The following CDR2 variants were observed in gnomAD, a reference collection of about 807,000 sequenced individuals.
The protein encoded by CDR2 is cerebellar degeneration related protein 2, also known as cerebellar degeneration-related protein 2.
In CDR2, 34 loss-of-function variants were observed where a neutral mutation model predicts 48.4. That is an observed-to-expected ratio of 0.70 (90% CI 0.53 to 0.94). CDR2 has a LOEUF of 0.94. Ranked by LOEUF, CDR2 falls within the 40% of genes least tolerant of loss-of-function variation. CDR2 has a pLI of 0.00. For missense variants in CDR2, 498 were observed against 549.5 expected (o/e 0.91, Z 0.94); for synonymous variants, 240 against 219.7 (o/e 1.09, Z -0.82).
At chr16:22,352,474 G>T (rs2048949124) in intron 2 of CDR2, among the ~76,000 whole-genome samples, 2 of 152,044 alleles carry the variant, frequency 1.3e-5, no homozygotes, top group South Asian at 2.1e-4. Context: ...AGTCAAAAGT[G>T]TTTTGGAAAA....
intron 2 of CDR2, among the ~76,000 whole-genome samples, chr16:22,360,642 T>C (rs1419954106): frequency 6.6e-6 from 1 of 152,070 alleles, no homozygotes; most frequent in African/African-American, 2.4e-5. Flanking sequence ...TCCCAGACCA[T>C]TCTTCTGGAC....
intron 1 of CDR2, among the ~76,000 whole-genome samples, chr16:22,367,498 T>C (rs1281213152): frequency 1.3e-5 from 2 of 152,166 alleles, no homozygotes; most frequent in Non-Finnish European, 2.9e-5. Flanking sequence ...TAGCCCATGG[T>C]AGGTAAAGTT....
intron 2 of CDR2, among the ~76,000 whole-genome samples, chr16:22,352,314 A>T (rs1463838403): frequency 6.6e-6 from 1 of 152,094 alleles, no homozygotes; most frequent in Non-Finnish European, 1.5e-5. Flanking sequence ...AGGCTAACAA[A>T]CAATGGGCTA....
chr16:22,368,435 C>A (rs1029971607), intron 1 of CDR2, among the ~76,000 whole-genome samples: 1 of 152,202 alleles, frequency 6.6e-6, no homozygotes, highest in Admixed American at 6.5e-5. Context: ...GTCTCGAAAT[C>A]CTGACCTCAA....
intron 2 of CDR2, among the ~76,000 whole-genome samples, chr16:22,362,712 G>T (rs537483514): frequency 6.6e-6 from 1 of 152,142 alleles, no homozygotes; most frequent in Non-Finnish European, 1.5e-5. Context: ...AACAAAGTAG[G>T]AAAGAGTTCC....
chr16:22,369,250 A>G (rs1175411857), intron 1 of CDR2, among the ~76,000 whole-genome samples: 4 of 151,144 alleles, frequency 2.6e-5, no homozygotes, highest in Non-Finnish European at 5.9e-5. Flanking sequence ...GTTCGAGACC[A>G]GCATGGGCAA....
chr16:22,369,243 C>T (rs913467924), intron 1 of CDR2, among the ~76,000 whole-genome samples: 4 of 147,536 alleles, frequency 2.7e-5, no homozygotes, highest in African/African-American at 5.1e-5. Context: ...GCCAAGAGTT[C>T]GAGACCAGCA....
At position 22,346,915 on chromosome 16, in the gene CDR2, G is replaced by A; in HGVS notation, c.*50C>T. On this transcript the variant is annotated 3_prime_UTR_variant, in exon 5 of 5. Transcript: ENST00000268383. ...TCTACAAACACTTGTCTGAATGGGA[G>A]AGAGAGGCGATAGGCAATAGGCAAA... The A allele has an allele frequency of 6.4e-7, 1 of 1,559,726 alleles. No individual in the cohort carries two copies. Among genetic ancestry groups the A allele is most frequent in the Non-Finnish European group, 8.7e-7 (1 of 1,144,092 alleles).
intron 1 of CDR2, 91 bp downstream of exon 1, chr16:22,374,140 C>G: frequency 1.2e-6 from 1 of 823,250 alleles, no homozygotes; most frequent in African/African-American, 1.8e-5. Flanking sequence ...CTGCATCCTC[C>G]GCCGCCACAA....
At chr16:22,360,676 T>C (rs551654752) in intron 2 of CDR2, among the ~76,000 whole-genome samples, 1 of 150,774 alleles carries the variant, frequency 6.6e-6, no homozygotes, top group East Asian at 2.0e-4. Context: ...ATTTCACTGG[T>C]GGTGGGATAG....
chr16:22,349,169 A>AT (rs1390363034), intron 4 of CDR2, 110 bp downstream of exon 4: 28 of 1,141,872 alleles, frequency 2.5e-5, no homozygotes, highest in Admixed American at 1.6e-4. Flanking sequence ...TGGTAGCTTA[A>AT]TAGCTAAGTG....
intron 2 of CDR2, among the ~76,000 whole-genome samples, chr16:22,357,438 G>A (rs1316394959): frequency 6.6e-6 from 1 of 152,174 alleles, no homozygotes; most frequent in Non-Finnish European, 1.5e-5. Context: ...TGGCGAACTG[G>A]CAGTTTCTAG....
At position 22,373,787 on chromosome 16, in the gene CDR2, G is replaced by T. The variant is rs544891234; in HGVS notation, c.79+444C>A. On this transcript the variant is annotated intron_variant, in intron 1 of 4. Transcript: ENST00000268383. ...CGGAGCGCACAGCTCCCGCTACGCC[G>T]CAAAACAACTACCACCTGCAGCAGC... is the stretch of plus-strand genomic sequence containing the variant. Among the ~76,000 whole-genome samples, 22 of 152,336 alleles carry T rather than the reference G, an allele frequency of 1.4e-4. No individual in the cohort carries two copies. In the East Asian group the frequency reaches 4.2e-3, roughly 29 times the overall value.
intron 1 of CDR2, among the ~76,000 whole-genome samples, chr16:22,367,542 TCA>T (rs2049051476): frequency 6.6e-6 from 1 of 152,186 alleles, no homozygotes; most frequent in Non-Finnish European, 1.5e-5. Flanking sequence ...GAAAGTAGCC[TCA>T]GTTATTGTCA....
chr16:22,374,133 C>G, intron 1 of CDR2, 98 bp downstream of exon 1: 1 of 755,972 alleles, frequency 1.3e-6, no homozygotes, highest in Non-Finnish European at 2.2e-6. Context: ...CCGGCACCTG[C>G]ATCCTCCGCC....
chr16:22,350,258 C>A (rs954670228), intron 2 of CDR2, among the ~76,000 whole-genome samples: 7 of 152,134 alleles, frequency 4.6e-5, no homozygotes, highest in African/African-American at 1.7e-4. Context: ...AGCACCAACT[C>A]TTGTTGGGGT....
chr16:22,364,782 G>C, intron 2 of CDR2, 120 bp downstream of exon 2: 3 of 601,686 alleles, frequency 5.0e-6, no homozygotes, highest in South Asian at 2.1e-5. Flanking sequence ...TCTCAAAAAA[G>C]TTTGTGTTAA....
At chr16:22,360,000 T>C (rs752924390) in intron 2 of CDR2, among the ~76,000 whole-genome samples, 1 of 152,216 alleles carries the variant, frequency 6.6e-6, no homozygotes, top group South Asian at 2.1e-4. Context: ...ACAAAATATT[T>C]TTCCATTTCC....
intron 2 of CDR2, among the ~76,000 whole-genome samples, chr16:22,354,696 TG>T (rs1319872699): frequency 2.7e-5 from 4 of 150,368 alleles, no homozygotes; most frequent in Non-Finnish European, 5.9e-5. Flanking sequence ...GAGACCAGCC[TG>T]GCCAACATGG....
Sources: allele counts gnomAD v4.1 joint callset (sites outside exome capture counted in the v4.1 genomes callset), GRCh38; gene constraint gnomAD v4.1.1; transcripts MANE v1.5; gene names NCBI Gene and HGNC (gene_info 2026-07-23, HGNC 2026-07-21).